Variants in MPHOSPH8 observed in about 807,000 individuals in gnomAD.
MPHOSPH8 encodes the protein M-phase phosphoprotein 8.
MPHOSPH8 carries 45 observed loss-of-function variants against 87.3 expected under a neutral mutation model. The observed-to-expected ratio is 0.52, with a 90% CI of 0.41 to 0.66. The LOEUF is 0.66. Among genes scored for constraint, MPHOSPH8 ranks in the 30% least tolerant of loss-of-function variants. The pLI is 0.00. For missense variants in MPHOSPH8, 883 were observed against 1,020.2 expected, an observed-to-expected ratio of 0.87 and a Z score of 1.83; for synonymous variants, 366 against 376.9, an observed-to-expected ratio of 0.97 and a Z score of 0.33.
chr13:19,655,472 ACACCACCAC>A (rs368185684), intron 5 of MPHOSPH8, among the ~76,000 whole-genome samples: 2,055 of 151,950 alleles, frequency 0.014, 13 homozygotes, highest in Non-Finnish European at 0.014. Flanking sequence ...TGTCTCAAAA[ACACCACCAC>A]CACCACCACC....
intron 11 of MPHOSPH8, among the ~76,000 whole-genome samples, chr13:19,669,919 C>T (rs771012527): frequency 6.6e-6 from 1 of 152,196 alleles, no homozygotes; most frequent in Non-Finnish European, 1.5e-5. Flanking sequence ...ACAGGAATGT[C>T]CCTGGGACGT....
chr13:19,634,418 C>T (rs1244438575), intron 1 of MPHOSPH8, among the ~76,000 whole-genome samples: 1 of 152,178 alleles, frequency 6.6e-6, no homozygotes, highest in Non-Finnish European at 1.5e-5. Context: ...CAATCTTACC[C>T]AGAGGGTGGC....
At chr13:19,663,305 TCAGTATGGG>T (rs1875647644) in intron 9 of MPHOSPH8, among the ~76,000 whole-genome samples, 179 bp downstream of exon 9, 1 of 152,106 alleles carries the variant, frequency 6.6e-6, no homozygotes, top group African/African-American at 2.4e-5. Flanking sequence ...CAGTGAGAGC[TCAGTATGGG>T]CAGTGGTGTG....
Position 19,642,180 on chromosome 13 carries a change from G to C in MPHOSPH8, c.279G>C (p.Glu93Asp), listed in dbSNP as rs1474967773. Residue 93 changes from glutamate to aspartate, a missense_variant, in exon 2 of 14, where the codon GAG (glutamate) becomes GAC (aspartate). Around this residue, in one of 3 missense-constraint regions of MPHOSPH8, gnomAD observed 39 missense variants for 82.4 expected, o/e 0.47. Transcript: ENST00000361479. ...YTSDDDTWEPEIHLEDCKEVL... is the reference protein window; with the variant it reads ...YTSDDDTWEPDIHLEDCKEVL... Reference sequence around the variant, plus strand: ...CGGATGATGATACCTGGGAGCCCGAGATTCACCTGGAGGACTGTAAAGAAG... The same window carrying C: ...CGGATGATGATACCTGGGAGCCCGACATTCACCTGGAGGACTGTAAAGAAG... 1.2e-6 allele frequency: 2 copies of C among 1,612,420 alleles called. No individual in the cohort carries two copies. The highest frequency in any genetic ancestry group is 1.1e-5 in the South Asian group (1 of 90,820).
At chr13:19,635,825 G>T (rs1873976948) in intron 1 of MPHOSPH8, among the ~76,000 whole-genome samples, 1 of 152,152 alleles carries the variant, frequency 6.6e-6, no homozygotes, top group African/African-American at 2.4e-5. Context: ...ATCTTGAATT[G>T]TATTCCCCAT....
intron 7 of MPHOSPH8, chr13:19,659,592 A>G: frequency 2.6e-6 from 1 of 384,332 alleles, no homozygotes; most frequent in East Asian, 6.4e-5. Context: ...TGAGCCTGGG[A>G]GGTCAAGGCT....
chr13:19,670,195 G>A, intron 11 of MPHOSPH8, 41 bp from the exon 12 acceptor site: 1 of 1,612,436 alleles, frequency 6.2e-7, no homozygotes, highest in Non-Finnish European at 8.5e-7. Flanking sequence ...GGGGACTGAA[G>A]GTTGCCTTTG....
At chr13:19,648,716 G>T (rs2137514254) in intron 4 of MPHOSPH8, among the ~76,000 whole-genome samples, 195 bp downstream of exon 4, 1 of 151,950 alleles carries the variant, frequency 6.6e-6, no homozygotes, top group East Asian at 1.9e-4. Flanking sequence ...AAATAAATGT[G>T]TTTTTATAGC....
At chr13:19,659,642 C>T (rs1317398797) in intron 7 of MPHOSPH8, 17 of 390,426 alleles carry the variant, frequency 4.4e-5, no homozygotes, top group Non-Finnish European at 8.5e-5. Flanking sequence ...CCAGCCTGGG[C>T]AACAGAGCAA....
intron 10 of MPHOSPH8, 73 bp from the exon 11 acceptor site, chr13:19,668,304 C>T: frequency 4.3e-6 from 6 of 1,381,314 alleles, no homozygotes; most frequent in Non-Finnish European, 6.0e-6. Flanking sequence ...GCCTGGGAAG[C>T]CCTCACTGGT....
chr13:19,637,330 A>AT (rs1874059978), intron 1 of MPHOSPH8, among the ~76,000 whole-genome samples: 1 of 152,224 alleles, frequency 6.6e-6, no homozygotes, highest in Non-Finnish European at 1.5e-5. Context: ...CTTTTTAAAA[A>AT]TTATCAGAAA....
Position 19,671,305 on chromosome 13 carries a change from T to TCACATTTAGTGTCACTA in MPHOSPH8, c.2541+18_2541+34dup, listed in dbSNP as rs1353457929. 1.9e-6 allele frequency: 3 copies of TCACATTTAGTGTCACTA among 1,592,930 alleles called. No individual in the cohort carries two copies. In the African/African-American group the frequency reaches 4.0e-5, roughly 21 times the overall value. On this transcript the variant is annotated intron_variant, in intron 13 of 13. Transcript: ENST00000361479. ...CTCTGCCAAGGTGACAGTCCTTTCT[T>TCACATTTAGTGTCACTA]CACATTTAGTGTCACTACTCAAGTT...
At chr13:19,638,960 G>A (rs2137497122) in intron 1 of MPHOSPH8, among the ~76,000 whole-genome samples, 1 of 152,002 alleles carries the variant, frequency 6.6e-6, no homozygotes, top group East Asian at 2.0e-4. Context: ...CTGGGCACCT[G>A]TAATCCCAGC....
At chr13:19,670,445 C>A in intron 12 of MPHOSPH8, 82 bp downstream of exon 12, 1 of 1,457,340 alleles carries the variant, frequency 6.9e-7, no homozygotes, top group Non-Finnish European at 9.3e-7. Context: ...ATTCCTGTGT[C>A]TTAATAAAAT....
chr13:19,649,609 G>A (rs956198681), intron 4 of MPHOSPH8, among the ~76,000 whole-genome samples: 3 of 152,260 alleles, frequency 2.0e-5, no homozygotes, highest in East Asian at 1.9e-4. Flanking sequence ...TCCCTCACTT[G>A]CCACCAGAAG....
At chr13:19,635,897 T>C (rs917547819) in intron 1 of MPHOSPH8, among the ~76,000 whole-genome samples, 1 of 152,174 alleles carries the variant, frequency 6.6e-6, no homozygotes, top group Non-Finnish European at 1.5e-5. Flanking sequence ...GTTTCGCCCA[T>C]GCTGTTCTCA....
At chr13:19,647,817 T>C (rs1006598754) in intron 3 of MPHOSPH8, among the ~76,000 whole-genome samples, 3 of 152,166 alleles carry the variant, frequency 2.0e-5, no homozygotes, top group Admixed American at 1.3e-4. Flanking sequence ...TCAAGGGCTA[T>C]AAAAAACATC....
At position 19,672,124 on chromosome 13, in the gene MPHOSPH8, T is replaced by C; in HGVS notation, c.*249T>C. 1 of 440,364 alleles carries C rather than the reference T, an allele frequency of 2.3e-6. No individual in the cohort carries two copies. Among genetic ancestry groups the C allele is most frequent in the Non-Finnish European group, 4.0e-6 (1 of 247,688 alleles). The allele number at this position is 440,364 out of a possible 1,614,324, so 27.3% of individuals were successfully genotyped here. A position where few individuals can be genotyped will look rare whatever the true frequency, so the allele number is the denominator to read the frequency against. On this transcript the variant is annotated 3_prime_UTR_variant, in exon 14 of 14. Transcript: ENST00000361479. ...CAATGTGGATAGTACATATGAGGAT[T>C]ATTTAAGAAAATTAAAGACTTCACT...
chr13:19,670,395 TAC>T (rs750875005), intron 12 of MPHOSPH8, 32 bp downstream of exon 12: 63 of 1,599,528 alleles, frequency 3.9e-5, no homozygotes, highest in Non-Finnish European at 5.3e-5. Context: ...TACTGAAAAG[TAC>T]ATTCTTCTAA....
Sources: allele counts gnomAD v4.1 joint callset (sites outside exome capture counted in the v4.1 genomes callset), GRCh38; gene constraint gnomAD v4.1.1; regional missense constraint gnomAD v4.1.1; transcripts MANE v1.5; gene names NCBI Gene and HGNC (gene_info 2026-07-23, HGNC 2026-07-21).